The following GLI1 variants were observed in gnomAD, a reference collection of about 807,000 sequenced individuals.
GLI1 encodes GLI family zinc finger 1, also known as transcription activator GLI1.
Under a neutral mutation model 87.8 loss-of-function variants are expected in GLI1, and 51 were observed. The ratio of observed to expected loss-of-function variants is 0.58; its 90% CI spans 0.46 to 0.73. The LOEUF is 0.73. GLI1 is among the 30% of genes least tolerant of loss of function. The pLI is 0.00. For synonymous variants in GLI1, 528 were observed against 558.2 expected, an observed-to-expected ratio of 0.95 and a Z score of 0.76; for missense variants, 1,292 against 1,437.2, an observed-to-expected ratio of 0.90 and a Z score of 1.63.
At chr12:57,463,911 C>A in intron 2 of GLI1, 88 bp from the exon 3 acceptor site, 1 of 1,149,446 alleles carries the variant, frequency 8.7e-7, no homozygotes, top group Non-Finnish European at 1.3e-6. Flanking sequence ...GTCATATGGA[C>A]CTGGAATCTG....
Position 57,472,053 on chromosome 12 carries a change from A to C in GLI1, c.3313A>C (p.Ser1105Arg). 1 of 1,488,674 alleles carries C rather than the reference A, an allele frequency of 6.7e-7. No homozygotes were observed. Among genetic ancestry groups the C allele is most frequent in the Non-Finnish European group, 9.0e-7 (1 of 1,115,890 alleles). The allele number at this position is 1,488,674 out of a possible 1,614,324, so 92.2% of individuals were successfully genotyped here. A position where few individuals can be genotyped will look rare whatever the true frequency, so the allele number is the denominator to read the frequency against. ...TGGGGAAACAGAATTCCTCAACTCTAGTGCCTAAAGAGTAGGGAATCTCAT... is the reference window on the plus strand; with the variant it reads ...TGGGGAAACAGAATTCCTCAACTCTCGTGCCTAAAGAGTAGGGAATCTCAT... ...LPGETEFLNS[S>R]A The change falls in exon 12 of 12, where the codon AGT becomes CGT. Residue 1105 changes from serine (S) to arginine (R), a missense_variant. This residue lies in a region of GLI1 where 897 missense variants were observed against 1,040.7 expected (regional missense o/e 0.86). Coordinates refer to ENST00000228682, the MANE Select transcript of GLI1 (RefSeq NM_005269.3).
At chr12:57,464,152 A>G in intron 3 of GLI1, 61 bp downstream of exon 3, 1 of 1,098,406 alleles carries the variant, frequency 9.1e-7, no homozygotes, top group Non-Finnish European at 1.4e-6. Flanking sequence ...CTGAAAGAGA[A>G]AGTGGGAGGG....
At chr12:57,466,495 A>C in intron 8 of GLI1, 106 bp downstream of exon 8, 1 of 718,664 alleles carries the variant, frequency 1.4e-6, no homozygotes, top group South Asian at 2.2e-5. Flanking sequence ...TTCTTCCATA[A>C]ACAAATATTA....
Position 57,466,270 on chromosome 12 carries a change from C to T in GLI1, c.793C>T (p.Arg265Trp), listed in dbSNP as rs200444628. The change falls in exon 8 of 12, where the codon CGG becomes TGG. Residue 265 changes from arginine to tryptophan, a missense_variant. Arg to Trp is a moderately radical substitution (Grantham distance 101). Around this residue, in one of 3 missense-constraint regions of GLI1, gnomAD observed 383 missense variants for 368.4 expected, o/e 1.04. Transcript: ENST00000228682. ...HINSEHIHGE[R>W]KEFVCHWGGC... Reference sequence around the variant, plus strand: ...CAACAGCGAGCACATCCACGGGGAGCGGAAGGAGTTCGTGTGCCACTGGGG... The same window carrying T: ...CAACAGCGAGCACATCCACGGGGAGTGGAAGGAGTTCGTGTGCCACTGGGG... The T allele has an allele frequency of 1.7e-5, 28 of 1,613,604 alleles. No homozygotes were observed. In the East Asian group the frequency reaches 2.7e-4, roughly 15 times the overall value.
chr12:57,464,498 G>A (rs570990516), intron 3 of GLI1, among the ~76,000 whole-genome samples, 175 bp from the exon 4 acceptor site: 16 of 151,462 alleles, frequency 1.1e-4, no homozygotes, highest in African/African-American at 3.6e-4. Flanking sequence ...CTCCAGCCTG[G>A]GTTACAGAGC....
Position 57,464,849 on chromosome 12 carries a change from C to T in GLI1, c.370C>T (p.Leu124Phe). The T allele has an allele frequency of 1.9e-6, 3 of 1,613,438 alleles. No homozygotes were observed. Among genetic ancestry groups the T allele is most frequent in the Non-Finnish European group, 2.5e-6 (3 of 1,179,350 alleles). The change falls in exon 4 of 12, where the codon CTC becomes TTC. Residue 124 changes from leucine (L) to phenylalanine (F), a missense_variant. By Grantham distance (22) the Leu-to-Phe change is conservative. This residue lies in a region of GLI1 where 383 missense variants were observed against 368.4 expected (regional missense o/e 1.04). Transcript: ENST00000228682. ...CTSPGGSYGHLSIGTMSPSLG... is the reference protein window; with the variant it reads ...CTSPGGSYGHFSIGTMSPSLG... ...ATCTCCAGGAGGCTCCTACGGTCAT[C>T]TCTCCATTGGCACCATGAGGTGCAG...
Position 57,463,789 on chromosome 12 carries a change from A to G in GLI1, c.98A>G (p.Glu33Gly), listed in dbSNP as rs746560370. The change falls in exon 2 of 12, where the codon GAA becomes GGA. Residue 33 changes from glutamate (E) to glycine (G), a missense_variant and splice_region_variant. Glu to Gly is a moderately conservative substitution (Grantham distance 98, BLOSUM62 -2). Transcript: ENST00000228682. ...CAGGGGGCCCCCAGTGTGGGGACAG[A>G]AGGTCAGTGTATATACCAATCCCTG... is the stretch of plus-strand genomic sequence containing the variant. ...PSQGAPSVGTEGLSGPPFCHQ... is the reference protein window; with the variant it reads ...PSQGAPSVGTGGLSGPPFCHQ... 8 of 1,566,558 alleles carry G rather than the reference A, an allele frequency of 5.1e-6. No homozygotes were observed. The highest frequency in any genetic ancestry group is 7.0e-6 in the Non-Finnish European group (8 of 1,142,810).
chr12:57,470,806 C>G lies in GLI1; in HGVS notation c.2066C>G (p.Pro689Arg). 1 of 1,611,384 alleles carries G rather than the reference C, an allele frequency of 6.2e-7. No individual in the cohort carries two copies. The change falls in exon 12 of 12, where the codon CCC (proline) becomes CGC (arginine). Residue 689 changes from proline (P) to arginine (R), a missense_variant. Coordinates refer to ENST00000228682, the MANE Select transcript of GLI1 (RefSeq NM_005269.3). The stretch of plus-strand genomic sequence containing the variant: ...CCAACCTCTGTCTACTCACCACAGC[C>G]CCCCAGCATCACTGAGAATGCTGCC... ...YLPTSVYSPQ[P>R]PSITENAAMD... is the part of the protein sequence containing the mutation.
At chr12:57,469,324 A>G in intron 10 of GLI1, 107 bp from the exon 11 acceptor site, 1 of 1,136,954 alleles carries the variant, frequency 8.8e-7, no homozygotes, top group African/African-American at 1.5e-5. Flanking sequence ...TACACTTACA[A>G]GCTTCCTTGG....
chr12:57,470,270 T>A, intron 11 of GLI1, 47 bp from the exon 12 acceptor site: 1 of 1,433,562 alleles, frequency 7.0e-7, no homozygotes, highest in Non-Finnish European at 9.4e-7. Flanking sequence ...AGGGTGAAAT[T>A]TAGGAAGCTC....
Position 57,465,652 on chromosome 12 carries a change from C to T in GLI1, c.580C>T (p.Pro194Ser), listed in dbSNP as rs779506563. 6.2e-7 allele frequency: 1 copy of T among 1,614,162 alleles called. No individual in the cohort carries two copies. Among genetic ancestry groups the T allele is most frequent in the South Asian group, 1.1e-5 (1 of 91,088 alleles). Residue 194 changes from proline to serine, a missense_variant, in exon 6 of 12, where the codon CCC (proline) becomes TCC (serine). Coordinates refer to ENST00000228682, the MANE Select transcript of GLI1 (RefSeq NM_005269.3). ...GCTGGTTGGCAAGTGCCGGGAGGAA[C>T]CCTTGGAAGGTGATATGTCCAGCCC... ...DMLVGKCREE[P>S]LEGDMSSPNS...
intron 3 of GLI1, 64 bp from the exon 4 acceptor site, chr12:57,464,609 T>C (rs1871351101): frequency 5.1e-6 from 6 of 1,183,782 alleles, no homozygotes; most frequent in African/African-American, 1.5e-5. Context: ...TCAGGACCCA[T>C]AGGTTAGGTG....
In GLI1 at chr12:57,470,509, G is replaced by C. The variant is rs199642258; in HGVS notation, c.1769G>C (p.Arg590Pro). ...ATGCCTGCCCAGCACTACCTGCTTC[G>C]GGCAAGATATGCTTCAGCCAGAGGG... is the stretch of plus-strand genomic sequence containing the variant. ...GLMPAQHYLL[R>P]ARYASARGGG... Residue 590 changes from arginine to proline, a missense_variant, in exon 12 of 12, where the codon CGG becomes CCG. Arg to Pro is a moderately radical substitution (Grantham distance 103). Around this residue, in one of 3 missense-constraint regions of GLI1, gnomAD observed 897 missense variants for 1,040.7 expected, o/e 0.86. Transcript: ENST00000228682. 8.1e-6 allele frequency: 13 copies of C among 1,613,942 alleles called. No homozygotes were observed. The South Asian group carries it at 9.9e-5, about 12-fold the overall frequency.
intron 10 of GLI1, 129 bp downstream of exon 10, chr12:57,468,353 T>G: frequency 1.6e-6 from 1 of 632,816 alleles, no homozygotes; most frequent in Non-Finnish European, 2.8e-6. Flanking sequence ...GCCTGTCTCT[T>G]GTCTTAGTGT....
At position 57,467,462 on chromosome 12, in the gene GLI1, C is replaced by G. The variant is rs1460787785; in HGVS notation, c.1042C>G (p.Arg348Gly). 3 of 1,609,464 alleles carry G rather than the reference C, an allele frequency of 1.9e-6. No homozygotes were observed. Among genetic ancestry groups the G allele is most frequent in the Non-Finnish European group, 2.6e-6 (3 of 1,176,142 alleles). ...CSKAFSNASDRAKHQNRTHSN... is the reference protein window; with the variant it reads ...CSKAFSNASDGAKHQNRTHSN... ...TAAAGCCTTCAGCAATGCCAGTGAC[C>G]GAGCCAAGCACCAGAATCGGACCCA... The change falls in exon 9 of 12, where the codon CGA becomes GGA. Residue 348 changes from arginine to glycine, a missense_variant. This residue lies in a region of GLI1 where 897 missense variants were observed against 1,040.7 expected (regional missense o/e 0.86). Transcript: ENST00000228682.
In GLI1 at chr12:57,467,621, C is replaced by T. The variant is rs78323455; in HGVS notation, c.1077+124C>T. 6.0e-4 allele frequency: 497 copies of T among 829,310 alleles called. 4 individuals carry two copies. The East Asian group carries it at 0.013, about 22-fold the overall frequency. The allele number at this position is 829,310 out of a possible 1,614,324, so 51.4% of individuals were successfully genotyped here. On this transcript the variant is annotated intron_variant, in intron 9 of 11. Transcript: ENST00000228682. ...GGTGAGTCCCCCTCCCCACATAATTCGCCCAGAAAAGGCTTTTCTGAAACC... is the reference window on the plus strand; with the variant it reads ...GGTGAGTCCCCCTCCCCACATAATTTGCCCAGAAAAGGCTTTTCTGAAACC...
intron 1 of GLI1, among the ~76,000 whole-genome samples, chr12:57,461,167 G>T (rs922597722): frequency 2.6e-4 from 39 of 152,210 alleles, no homozygotes; most frequent in Non-Finnish European, 1.6e-4. Flanking sequence ...AGGGGACCCC[G>T]TAGAGCCTGG....
chr12:57,469,205 C>G (rs1202248720), intron 10 of GLI1, among the ~76,000 whole-genome samples: 3 of 152,192 alleles, frequency 2.0e-5, no homozygotes, highest in Non-Finnish European at 2.9e-5. Context: ...GGTCATAGAA[C>G]TAAGAGCAAG....
Position 57,463,801 on chromosome 12 carries a change from T to G in GLI1, c.100+10T>G, listed in dbSNP as rs780928971. The G allele has an allele frequency of 6.7e-7, 1 of 1,488,668 alleles. No homozygotes were observed. Among genetic ancestry groups the G allele is most frequent in the Non-Finnish European group, 9.3e-7 (1 of 1,074,198 alleles). The allele number at this position is 1,488,668 out of a possible 1,614,324, so 92.2% of individuals were successfully genotyped here. A position where few individuals can be genotyped will look rare whatever the true frequency, so the allele number is the denominator to read the frequency against. On this transcript the variant is annotated intron_variant, in intron 2 of 11. Coordinates refer to ENST00000228682, the MANE Select transcript of GLI1 (RefSeq NM_005269.3). ...AGTGTGGGGACAGAAGGTCAGTGTA[T>G]ATACCAATCCCTGGGCCTTGAGGAT...
Sources: gnomAD v4.1 joint callset for allele counts (sites outside exome capture counted in the v4.1 genomes callset) on GRCh38, gnomAD v4.1.1 for gene constraint, gnomAD v4.1.1 regional missense constraint, MANE v1.5 for transcripts, NCBI Gene and HGNC (gene_info 2026-07-23, HGNC 2026-07-21) for gene names.